The following PTPRN2 variants were observed in gnomAD, a reference collection of about 807,000 sequenced individuals.
PTPRN2 encodes the protein receptor-type tyrosine-protein phosphatase N2.
Under a neutral mutation model 118.8 loss-of-function variants are expected in PTPRN2, and 74 were observed. The ratio of observed to expected loss-of-function variants is 0.62; its 90% CI spans 0.52 to 0.76. PTPRN2 has a LOEUF of 0.76. Among genes scored for constraint, PTPRN2 ranks in the 30% least tolerant of loss-of-function variants. PTPRN2 has a pLI of 0.00. For missense variants in PTPRN2, 1,481 were observed against 1,394.4 expected, an observed-to-expected ratio of 1.06 and a Z score of -0.99; for synonymous variants, 641 against 608.0, an observed-to-expected ratio of 1.05 and a Z score of -0.80.
chr7:157,850,598 A>C (rs1445931130), intron 12 of PTPRN2, among the ~76,000 whole-genome samples: 2 of 152,232 alleles, frequency 1.3e-5, no homozygotes, highest in Non-Finnish European at 2.9e-5. Flanking sequence ...AACCATCCAC[A>C]GACTAACTTA....
chr7:158,143,029 C>T (rs189474109), intron 6 of PTPRN2, among the ~76,000 whole-genome samples: 155 of 152,322 alleles, frequency 1.0e-3, no homozygotes, highest in Non-Finnish European at 1.8e-3. Flanking sequence ...CACCGAGCCA[C>T]GAGCCCAGAG....
intron 3 of PTPRN2, among the ~76,000 whole-genome samples, chr7:158,241,207 G>A (rs567855379): frequency 5.9e-5 from 9 of 152,252 alleles, no homozygotes; most frequent in East Asian, 1.9e-4. Context: ...ATTTGCTGAC[G>A]GACTTTAATT....
At chr7:158,337,688 C>T (rs62481684) in intron 2 of PTPRN2, among the ~76,000 whole-genome samples, 700 of 81,506 alleles carry the variant, frequency 8.6e-3, no homozygotes, top group African/African-American at 0.012. Flanking sequence ...ACGTCACTCA[C>T]ACCCACACTC....
rs554235716 is a variant in PTPRN2, at chr7:158,186,567, C to T, written c.549+5760G>A. Among the ~76,000 whole-genome samples the T allele has an allele frequency of 1.5e-4, 22 of 151,096 alleles. No homozygotes were observed. The South Asian group carries it at 3.7e-3, about 26-fold the overall frequency. ...ACCTGCCCCCTCCGTCAGAAGCCCG[C>T]CTGGGCCACCTGCCCCCTCTGGCAT... On this transcript the variant is annotated intron_variant, in intron 5 of 22. Coordinates refer to ENST00000389418, the MANE Select transcript of PTPRN2 (RefSeq NM_002847.5).
chr7:158,390,638 C>T (rs7780796), intron 2 of PTPRN2, among the ~76,000 whole-genome samples: 76,517 of 152,076 alleles, frequency 0.5, 19,916 homozygotes, highest in African/African-American at 0.54. Flanking sequence ...GAGCCTGTCC[C>T]ATGCCAACTG....
chr7:157,855,056 G>A (rs1422506243), intron 12 of PTPRN2, among the ~76,000 whole-genome samples: 8 of 150,030 alleles, frequency 5.3e-5, no homozygotes, highest in Non-Finnish European at 8.9e-5. Context: ...AGGGGTGTGT[G>A]TGGGGCTGGA....
chr7:158,468,763 C>A (rs1248153490), intron 2 of PTPRN2, among the ~76,000 whole-genome samples: 7 of 152,178 alleles, frequency 4.6e-5, no homozygotes, highest in Non-Finnish European at 4.4e-5. Flanking sequence ...TACAGGCATG[C>A]ACACCCCCCA....
Position 158,144,865 on chromosome 7 carries a change from C to T in PTPRN2, c.911-6350G>A, listed in dbSNP as rs117616944. Among the ~76,000 whole-genome samples the T allele has an allele frequency of 5.8e-3, 890 of 152,328 alleles. 1 individual carries two copies. The highest frequency in any genetic ancestry group is 0.031 in the Middle Eastern group (9 of 294). ...TTTGCAAAATGATGCTTATTCCCCT[C>T]TCAAACCCACACAGAGGCCAAGTGC... On this transcript the variant is annotated intron_variant, in intron 6 of 22. Transcript: ENST00000389418.
chr7:158,510,161 G>A (rs1033428119), intron 1 of PTPRN2, among the ~76,000 whole-genome samples: 1 of 152,182 alleles, frequency 6.6e-6, no homozygotes, highest in African/African-American at 2.4e-5. Flanking sequence ...TTCCTGGTGT[G>A]CGGGGACACA....
At chr7:157,752,208 G>A (rs1270489554) in intron 12 of PTPRN2, among the ~76,000 whole-genome samples, 2 of 152,208 alleles carry the variant, frequency 1.3e-5, no homozygotes, top group African/African-American at 4.8e-5. Context: ...TGGGGGCACC[G>A]AGTGGCCAGG....
rs767159888 is a variant in PTPRN2, at chr7:157,621,471, C to T, written c.2235G>A (p.Leu745=). The change falls in exon 15 of 23, where the codon CTG becomes CTA. Residue 745 remains leucine, a synonymous_variant. Coordinates refer to ENST00000389418, the MANE Select transcript of PTPRN2 (RefSeq NM_002847.5). The part of the protein sequence containing the change: ...MEDHLKNKNR[L]EKEWEALCAY... ...CGCACAGCGCTTCCCACTCCTTCTC[C>T]AGCCGGTTCTTGTTCTTCAGGTGGT... 1 of 1,613,914 alleles carries T rather than the reference C, an allele frequency of 6.2e-7. No homozygotes were observed. Among genetic ancestry groups the T allele is most frequent in the Non-Finnish European group, 8.5e-7 (1 of 1,180,034 alleles).
chr7:157,938,425 G>A (rs537948290), intron 11 of PTPRN2, among the ~76,000 whole-genome samples: 8 of 152,336 alleles, frequency 5.3e-5, no homozygotes, highest in African/African-American at 1.9e-4. Context: ...AGGGACACAG[G>A]AGAGGGCCGG....
At chr7:158,421,668 T>C (rs1207555866) in intron 2 of PTPRN2, among the ~76,000 whole-genome samples, 1 of 152,216 alleles carries the variant, frequency 6.6e-6, no homozygotes, top group Non-Finnish European at 1.5e-5. Flanking sequence ...ATCTTATGGT[T>C]TCCATGAAAA....
intron 1 of PTPRN2, among the ~76,000 whole-genome samples, chr7:158,514,391 T>C (rs955805499): frequency 1.4e-4 from 22 of 152,154 alleles, no homozygotes; most frequent in African/African-American, 5.3e-4. Flanking sequence ...TTCCTCAGAA[T>C]GACGTGGGCT....
chr7:158,506,626 T>A (rs10259517), intron 1 of PTPRN2, among the ~76,000 whole-genome samples: 34,719 of 151,480 alleles, frequency 0.23, 4,178 homozygotes, highest in East Asian at 0.43. Flanking sequence ...ACAGTGGACT[T>A]TTGGCCACCA....
intron 2 of PTPRN2, among the ~76,000 whole-genome samples, chr7:158,457,090 G>A (rs565877734): frequency 3.3e-5 from 5 of 152,228 alleles, no homozygotes; most frequent in African/African-American, 1.2e-4. Context: ...TAATATCCAA[G>A]GAGGGTCCAT....
rs922246917 is a variant in PTPRN2 at position 157,941,311 on chromosome 7, C to T, written c.1724-42574G>A. On this transcript the variant is annotated intron_variant, in intron 11 of 22. Coordinates refer to ENST00000389418, the MANE Select transcript of PTPRN2 (RefSeq NM_002847.5). ...TCTAACACTCTCCCCTGTGACACTG[C>T]AAATCTAACACCCTCCCCACCACGA... Among the ~76,000 whole-genome samples, 33 of 101,602 alleles carry T rather than the reference C, an allele frequency of 3.2e-4. 7 individuals carry two copies. The highest frequency in any genetic ancestry group is 1.9e-3 in the African/African-American group (32 of 16,772). 66.7% of individuals were successfully genotyped at this position (101,602 alleles called of 152,430 possible). A position where few individuals can be genotyped will look rare whatever the true frequency, so the allele number is the denominator to read the frequency against.
At chr7:158,554,435 G>A (rs548368303) in intron 1 of PTPRN2, among the ~76,000 whole-genome samples, 4 of 152,268 alleles carry the variant, frequency 2.6e-5, no homozygotes, top group Admixed American at 6.5e-5. Context: ...TGAAAAGTGC[G>A]TAAGAATTTT....
At chr7:158,415,494 T>A (rs1407035647) in intron 2 of PTPRN2, among the ~76,000 whole-genome samples, 1 of 152,094 alleles carries the variant, frequency 6.6e-6, no homozygotes, top group Non-Finnish European at 1.5e-5. Flanking sequence ...TCCACCAGAT[T>A]CAGATGTCAC....
Sources: gnomAD v4.1 joint callset for allele counts (sites outside exome capture counted in the v4.1 genomes callset) on GRCh38, gnomAD v4.1.1 for gene constraint, MANE v1.5 for transcripts, NCBI Gene and HGNC (gene_info 2026-07-23, HGNC 2026-07-21) for gene names.